Variants in TTN observed in about 807,000 individuals in gnomAD.
TTN encodes the protein titin.
TTN carries 1,525 observed loss-of-function variants against 3,223.0 expected under a neutral mutation model. The observed-to-expected ratio is 0.47, with a 90% CI of 0.45 to 0.49. The LOEUF (loss-of-function observed/expected upper bound fraction) is 0.49, where lower values mean the gene tolerates loss of function less well. Among genes scored for constraint, TTN ranks in the 20% least tolerant of loss-of-function variants. The pLI is 0.00. For missense variants in TTN, 40,786 were observed against 43,424.0 expected (o/e 0.94, Z 5.40); for synonymous variants, 14,094 against 15,161.0 (o/e 0.93, Z 5.17).
intron 328 of TTN, 43 bp from the exon 329 acceptor site, chr2:178,557,598 A>G: frequency 6.2e-7 from 1 of 1,612,404 alleles, no homozygotes; most frequent in Middle Eastern, 1.7e-4. Context: ...AGACAATAAC[A>G]CATTTATGGT....
chr2:178,588,779 C>A lies in TTN; in HGVS notation c.62946G>T (p.Val20982=), dbSNP rs1354574951. The A allele has an allele frequency of 9.9e-6, 16 of 1,613,150 alleles. No individual in the cohort carries two copies. The highest frequency in any genetic ancestry group is 1.3e-5 in the Non-Finnish European group (15 of 1,179,588). Residue 20982 remains valine, a synonymous_variant, in exon 304 of 363, where the codon GTG becomes GTT. Transcript: ENST00000589042. ...VTKVSKEEMT[V]VWNPPEYDGG... ...CATCATATTCAGGTGGATTCCAAAC[C>A]ACAGTCATCTCTTCTTTGCTTACTT...
chr2:178,714,227 A>G, intron 91 of TTN, 52 bp from the exon 92 acceptor site: 1 of 1,590,540 alleles, frequency 6.3e-7, no homozygotes, highest in Non-Finnish European at 8.5e-7. Flanking sequence ...TTGAAAAACT[A>G]AAGAAAATAC....
Position 178,733,598 on chromosome 2 carries a change from A to G in TTN, c.15775+16T>C. 2 of 1,599,784 alleles carry G rather than the reference A, an allele frequency of 1.3e-6. No homozygotes were observed. The highest frequency in any genetic ancestry group is 1.7e-6 in the Non-Finnish European group (2 of 1,170,682). On this transcript the variant is annotated intron_variant, in intron 53 of 362. Transcript: ENST00000589042. Reference sequence around the variant, plus strand: ...TTCTAAATAGCAATTTGAGGTTTAAATGTTCCTACACAAACCTTTAACTAT... The same window carrying G: ...TTCTAAATAGCAATTTGAGGTTTAAGTGTTCCTACACAAACCTTTAACTAT...
At chr2:178,621,416 T>G (rs1218540179) in intron 245 of TTN, 48 bp from the exon 246 acceptor site, 1 of 1,606,978 alleles carries the variant, frequency 6.2e-7, no homozygotes, top group African/African-American at 1.3e-5. Flanking sequence ...TCTTTGTACT[T>G]TAAATCTAGC....
chr2:178,529,445 A>T (rs1264826380), intron 359 of TTN: 3 of 379,650 alleles, frequency 7.9e-6, no homozygotes, highest in African/African-American at 6.3e-5. Flanking sequence ...AAGATGATTC[A>T]TATGACTTAA....
chr2:178,689,927 A>C lies in TTN; in HGVS notation c.31763-31T>G, dbSNP rs776773077. On this transcript the variant is annotated intron_variant, in intron 121 of 362. Transcript: ENST00000589042. ...AGTTTTTGAAACACAATGTTAGTTC[A>C]GACATATATCACTTTTATGAAAGAA... is the stretch of plus-strand genomic sequence containing the variant. 8.8e-5 allele frequency: 138 copies of C among 1,566,318 alleles called. 1 individual carries two copies. The East Asian group carries it at 3.0e-3, about 34-fold the overall frequency.
Position 178,537,198 on chromosome 2 carries a change from A to T in TTN, c.99911T>A (p.Leu33304Ter). 2 of 1,611,810 alleles carry T rather than the reference A, an allele frequency of 1.2e-6. No individual in the cohort carries two copies. The highest frequency in any genetic ancestry group is 1.7e-6 in the Non-Finnish European group (2 of 1,178,178). ...CCAGCTGATCACTGCGGAGTTCTTC[A>T]ATAGAGCTTCGATCACAATTGGTCC... ...PTGPIVIEALLKNSAVISWKP... is the reference protein window; with the variant it reads ...PTGPIVIEAL Residue 33304 changes from leucine (L) to a stop codon, truncating the protein, a stop_gained, in exon 356 of 363, where the codon TTG (leucine) becomes TAG (stop). Transcript: ENST00000589042. LOFTEE classifies it high-confidence loss of function.
In TTN at chr2:178,725,758, C is replaced by G. The variant is rs1553915945; in HGVS notation, c.20554+10G>C. 6.4e-7 allele frequency: 1 copy of G among 1,569,732 alleles called. No individual in the cohort carries two copies. Among genetic ancestry groups the G allele is most frequent in the Non-Finnish European group, 8.6e-7 (1 of 1,156,202 alleles). On this transcript the variant is annotated intron_variant, in intron 70 of 362. Transcript: ENST00000589042. ...ATGACATTTCTGCCATGTGGATGAA[C>G]TATATTTACCTTTCAATTTTACAGT...
At position 178,609,032 on chromosome 2, in the gene TTN, A is replaced by G. The variant is rs557283806; in HGVS notation, c.52103-124T>C. 4.2e-5 allele frequency: 55 copies of G among 1,321,294 alleles called. No individual in the cohort carries two copies. In the South Asian group the frequency reaches 7.9e-4, roughly 19 times the overall value. The allele number at this position is 1,321,294 out of a possible 1,614,324, so 81.8% of individuals were successfully genotyped here. The stretch of plus-strand genomic sequence containing the variant: ...TTTCCCACATCTATCTTTGTATTCC[A>G]TTAGCTAATAAATAACAAGATCAGG... On this transcript the variant is annotated intron_variant, in intron 273 of 362. Transcript: ENST00000589042.
Position 178,589,191 on chromosome 2 carries a change from G to A in TTN, c.62534C>T (p.Thr20845Met), listed in dbSNP as rs727505316. ...AAAACTGCCAGCCGTGTTAGTTGCC[G>A]TAACTACATATTTACCCCCATCACT... The part of the protein sequence containing the change: ...KRSDGGKYVV[T>M]ATNTAGSFVA... Residue 20845 changes from threonine (T) to methionine (M), a missense_variant, in exon 304 of 363, where the codon ACG becomes ATG. Transcript: ENST00000589042. 72 of 1,613,370 alleles carry A rather than the reference G, an allele frequency of 4.5e-5. No individual in the cohort carries two copies. The highest frequency in any genetic ancestry group is 3.2e-4 in the South Asian group (29 of 91,074).
At chr2:178,747,097 C>A (rs745711328) in intron 47 of TTN, 1 of 1,609,892 alleles carries the variant, frequency 6.2e-7, no homozygotes, top group African/African-American at 1.3e-5. Context: ...GCTCTAGAGT[C>A]TCTCCTGGGG....
In TTN at chr2:178,733,005, A is replaced by G. The variant is rs1290194262; in HGVS notation, c.16171T>C (p.Phe5391Leu). The change falls in exon 55 of 363, where the codon TTT (phenylalanine) becomes CTT (leucine). Residue 5391 changes from phenylalanine (F) to leucine (L), a missense_variant. By Grantham distance (22) the Phe-to-Leu change is conservative. Transcript: ENST00000589042. The stretch of plus-strand genomic sequence containing the variant: ...GCAGCTATTTCTTTGCCATCCTTAA[A>G]CCAGGACACCCTCATGGGGAGGGAG... ...AGSLPMRVSW[F>L]KDGKEIAASD... 1.2e-6 allele frequency: 2 copies of G among 1,613,384 alleles called. No homozygotes were observed. Among genetic ancestry groups the G allele is most frequent in the African/African-American group, 2.7e-5 (2 of 74,910 alleles).
intron 141 of TTN, 88 bp downstream of exon 141, chr2:178,679,507 GACAC>G (rs985888386): frequency 2.5e-6 from 4 of 1,583,464 alleles, no homozygotes; most frequent in African/African-American, 2.7e-5. Context: ...AACGGACAGT[GACAC>G]ACACACAAGG....
intron 308 of TTN, 57 bp from the exon 309 acceptor site, chr2:178,585,404 G>A: frequency 6.6e-7 from 1 of 1,516,512 alleles, no homozygotes; most frequent in South Asian, 1.4e-5. Flanking sequence ...TTCTTCTGGT[G>A]GAGAGCTATA....
chr2:178,794,601 T>C, intron 7 of TTN, 50 bp from the exon 8 acceptor site: 1 of 1,612,242 alleles, frequency 6.2e-7, no homozygotes, highest in Non-Finnish European at 8.5e-7. Context: ...ACATGCCCAG[T>C]AGAAAATAAA....
Position 178,670,250 on chromosome 2 carries a change from A to G in TTN, c.35354T>C (p.Val11785Ala), listed in dbSNP as rs995413685. 10 of 1,497,358 alleles carry G rather than the reference A, an allele frequency of 6.7e-6. No individual in the cohort carries two copies. Among genetic ancestry groups the G allele is most frequent in the Non-Finnish European group, 8.0e-6 (9 of 1,129,472 alleles). 92.8% of individuals were successfully genotyped at this position (1,497,358 alleles called of 1,614,324 possible). A position where few individuals can be genotyped will look rare whatever the true frequency, so the allele number is the denominator to read the frequency against. ...TGGTGGAACTCTGGGCTCTTCAGGA[A>G]CACGTACTTTTTCTTCTACCACAAT... is the stretch of plus-strand genomic sequence containing the variant. The part of the protein sequence containing the change: ...KKIVVEEKVR[V>A]PEEPRVPPTK... The change falls in exon 157 of 363, where the codon GTT becomes GCT. Residue 11785 changes from valine (V) to alanine (A), a missense_variant. By Grantham distance (64) the Val-to-Ala change is moderately conservative. Coordinates refer to ENST00000589042, the MANE Select transcript of TTN (RefSeq NM_001267550.2).
chr2:178,645,253 AAT>A (rs2061751744), intron 217 of TTN: 1 of 152,072 alleles, frequency 6.6e-6, no homozygotes, highest in Non-Finnish European at 1.5e-5. Context: ...GAAAAATCAA[AAT>A]ATAAGAAGGG....
chr2:178,730,414 T>C, intron 61 of TTN, 43 bp from the exon 62 acceptor site: 2 of 1,552,430 alleles, frequency 1.3e-6, no homozygotes, highest in South Asian at 1.2e-5. Context: ...TAGGAAGTTT[T>C]ATTTTATAAC....
At position 178,563,281 on chromosome 2, in the gene TTN, CCATT is replaced by C. The variant is rs2154161251; in HGVS notation, c.82847_82850del (p.Glu27616GlyfsTer17). The stretch of plus-strand genomic sequence containing the variant: ...ATCCTGTTGGTGGAGTGCAGGTTGT[CCATT>C]CATCCGCAGCAGCTTCTTTGACCTC... On this transcript the variant is annotated frameshift_variant, in exon 326 of 363. Transcript: ENST00000589042. LOFTEE classifies it high-confidence loss of function. This position sits in a 1 kb window ranked among gnomAD's most constrained non-coding sequence, Gnocchi z 4.5. 6.2e-7 allele frequency: 1 copy of C among 1,613,632 alleles called. No individual in the cohort carries two copies. The highest frequency in any genetic ancestry group is 8.5e-7 in the Non-Finnish European group (1 of 1,179,692).
Sources: gnomAD v4.1 joint callset for allele counts on GRCh38, gnomAD v4.1.1 for gene constraint, Gnocchi (gnomAD v3.1) non-coding constraint, MANE v1.5 for transcripts, NCBI Gene and HGNC (gene_info 2026-07-23, HGNC 2026-07-21) for gene names.